Variants in CHFR observed in about 807,000 individuals in gnomAD.
CHFR encodes checkpoint with forkhead and ring finger domains, also known as E3 ubiquitin-protein ligase CHFR.
CHFR carries 57 observed loss-of-function variants against 87.6 expected under a neutral mutation model. The ratio of observed to expected loss-of-function variants is 0.65; its 90% confidence interval spans 0.53 to 0.81. The LOEUF is 0.81. Ranked by LOEUF, CHFR falls within the 30% of genes least tolerant of loss-of-function variation. CHFR has a pLI of 0.00. For missense variants in CHFR, 797 were observed against 865.8 expected (o/e 0.92, Z 1.00); for synonymous variants, 381 against 359.2 (o/e 1.06, Z -0.69).
At chr12:132,853,323 G>A (rs148176220) in intron 11 of CHFR, 108 bp downstream of exon 11, 575 of 1,201,834 alleles carry the variant, frequency 4.8e-4, no homozygotes, top group Non-Finnish European at 6.1e-4. Context: ...AAGGGGGCGA[G>A]CAGTGCAGAC....
intron 7 of CHFR, 101 bp from the exon 8 acceptor site, chr12:132,859,328 G>T: frequency 8.7e-7 from 1 of 1,147,312 alleles, no homozygotes; most frequent in Non-Finnish European, 1.2e-6. Flanking sequence ...TGTTCTAACT[G>T]TCGTAACCGA....
chr12:132,886,027 C>T (rs1220261785), intron 2 of CHFR, among the ~76,000 whole-genome samples: 2 of 152,096 alleles, frequency 1.3e-5, no homozygotes, highest in Non-Finnish European at 2.9e-5. Flanking sequence ...AAAAACAAAA[C>T]CAGGTCAGAC....
At chr12:132,856,185 G>A (rs1011749208) in intron 10 of CHFR, among the ~76,000 whole-genome samples, 7 of 152,246 alleles carry the variant, frequency 4.6e-5, no homozygotes, top group Non-Finnish European at 8.8e-5. Flanking sequence ...AAGGGTGTCA[G>A]CCGAGGGTGC....
chr12:132,885,791 G>C (rs923518658), intron 2 of CHFR, among the ~76,000 whole-genome samples: 17 of 152,296 alleles, frequency 1.1e-4, no homozygotes, highest in African/African-American at 3.8e-4. Flanking sequence ...CGTTAGCCCA[G>C]AGTAATGTGT....
rs985017981 is a variant in CHFR at position 132,840,463 on chromosome 12, T to C, written c.*1091A>G. ...CAAGAGCAAGACAACAGTTGAAAAC[T>C]GTATTCCTGAGAAGAAGCAAAAAAG... is the stretch of plus-strand genomic sequence containing the variant. On this transcript the variant is annotated 3_prime_UTR_variant, in exon 18 of 18. Coordinates refer to ENST00000450056, the MANE Select transcript of CHFR (RefSeq NM_001161346.2). 7 of 152,790 alleles carry C rather than the reference T, an allele frequency of 4.6e-5. No homozygotes were observed. The highest frequency in any genetic ancestry group is 1.3e-4 in the Admixed American group (2 of 15,310). 9.5% of individuals were successfully genotyped at this position (152,790 alleles called of 1,614,324 possible).
At chr12:132,854,320 C>A (rs1435010478) in intron 10 of CHFR, 3 of 152,208 alleles carry the variant, frequency 2.0e-5, no homozygotes, top group African/African-American at 7.2e-5. Flanking sequence ...CCTTTCCGAT[C>A]GGTGTCTGGA....
chr12:132,860,986 C>A (rs1951198045), intron 7 of CHFR, among the ~76,000 whole-genome samples: 1 of 152,220 alleles, frequency 6.6e-6, no homozygotes, highest in Non-Finnish European at 1.5e-5. Context: ...CTCCTGACCT[C>A]AGATGATCCG....
At chr12:132,863,449 G>C (rs76751330) in intron 6 of CHFR, among the ~76,000 whole-genome samples, 1 of 151,962 alleles carries the variant, frequency 6.6e-6, no homozygotes, top group Non-Finnish European at 1.5e-5. Context: ...GAGTTGCAGC[G>C]AACGAAGTTC....
At chr12:132,865,144 C>T (rs1463493749) in intron 6 of CHFR, among the ~76,000 whole-genome samples, 10 of 152,188 alleles carry the variant, frequency 6.6e-5, no homozygotes, top group African/African-American at 1.9e-4. Flanking sequence ...CTGTGGGCCA[C>T]GCTGGAGCGG....
intron 10 of CHFR, 32 bp downstream of exon 10, chr12:132,856,422 CTCCTCTGGCTCACA>C (rs1566184322): frequency 6.2e-7 from 1 of 1,602,928 alleles, no homozygotes; most frequent in Admixed American, 1.7e-5. Flanking sequence ...GGTTGTGATG[CTCCTCTGGCTCACA>C]CACTCTGCTC....
intron 15 of CHFR, among the ~76,000 whole-genome samples, chr12:132,846,828 T>C (rs1008782387): frequency 2.0e-5 from 3 of 152,148 alleles, no homozygotes; most frequent in African/African-American, 7.2e-5. Context: ...GGCCTTGAGC[T>C]GAGATCATGC....
At chr12:132,877,723 T>C in intron 2 of CHFR, 69 bp from the exon 3 acceptor site, 2 of 913,772 alleles carry the variant, frequency 2.2e-6, no homozygotes, top group Non-Finnish European at 3.4e-6. Context: ...GCACTTTGTT[T>C]ACCAAAGTAT....
At chr12:132,858,082 C>T (rs1466395584) in intron 8 of CHFR, among the ~76,000 whole-genome samples, 1 of 152,128 alleles carries the variant, frequency 6.6e-6, no homozygotes, top group Non-Finnish European at 1.5e-5. Context: ...GGTAGCCATG[C>T]GGGGTGGCTC....
At chr12:132,851,571 G>T in intron 12 of CHFR, 47 bp downstream of exon 12, 1 of 1,554,258 alleles carries the variant, frequency 6.4e-7, no homozygotes, top group Non-Finnish European at 8.7e-7. Flanking sequence ...CCTGACCCCT[G>T]AAGGACAGAT....
rs1044467182 is a variant in CHFR, at chr12:132,837,056, G to T, written c.*4498C>A. 9 of 340,066 alleles carry T rather than the reference G, an allele frequency of 2.6e-5. No individual in the cohort carries two copies. Among genetic ancestry groups the T allele is most frequent in the Non-Finnish European group, 5.2e-5 (9 of 173,828 alleles). The allele number at this position is 340,066 out of a possible 1,614,324, so 21.1% of individuals were successfully genotyped here. A position where few individuals can be genotyped will look rare whatever the true frequency, so the allele number is the denominator to read the frequency against. ...GCTGAATGAGGAGAGGCTGCAGAGG[G>T]AGGGGCTGGTACCTGAGGGGCTGTT... On this transcript the variant is annotated 3_prime_UTR_variant, in exon 18 of 18. Transcript: ENST00000450056.
intron 2 of CHFR, among the ~76,000 whole-genome samples, chr12:132,878,999 GTTTTTGTTTGT>G (rs1278451074): frequency 8.0e-5 from 10 of 124,862 alleles, no homozygotes; most frequent in South Asian, 3.1e-4. Flanking sequence ...TTTTTTTTTT[GTTTTTGTTTGT>G]TTTTTTTTTT....
intron 16 of CHFR, among the ~76,000 whole-genome samples, chr12:132,843,397 G>A (rs1950742857): frequency 1.3e-5 from 2 of 152,038 alleles, no homozygotes; most frequent in Admixed American, 6.6e-5. Context: ...CTGCACTTCA[G>A]CCTGGGCGAC....
In CHFR at chr12:132,832,678, A is replaced by G. The variant is rs1400631617; in HGVS notation, c.*8876T>C. 2 of 152,270 alleles carry G rather than the reference A, an allele frequency of 1.3e-5. No individual in the cohort carries two copies. Among genetic ancestry groups the G allele is most frequent in the Non-Finnish European group, 2.9e-5 (2 of 68,042 alleles). 9.4% of individuals were successfully genotyped at this position (152,270 alleles called of 1,614,324 possible). A position where few individuals can be genotyped will look rare whatever the true frequency, so the allele number is the denominator to read the frequency against. ...AAACATTAAATTTAAATACAGTTAG[A>G]AACAATGAATCTAATCATATACTAA... On this transcript the variant is annotated 3_prime_UTR_variant, in exon 18 of 18. Coordinates refer to ENST00000450056, the MANE Select transcript of CHFR (RefSeq NM_001161346.2).
chr12:132,853,996 T>G, intron 10 of CHFR: 1 of 164,532 alleles, frequency 6.1e-6, no homozygotes, highest in Non-Finnish European at 1.3e-5. Flanking sequence ...AAGCCCCGAA[T>G]CACTTGTCTT....
Sources: gnomAD v4.1 joint callset for allele counts (sites outside exome capture counted in the v4.1 genomes callset) on GRCh38, gnomAD v4.1.1 for gene constraint, MANE v1.5 for transcripts, NCBI Gene and HGNC (gene_info 2026-07-23, HGNC 2026-07-21) for gene names.